Variants in WDR7 observed in about 807,000 individuals in gnomAD.
WDR7 encodes WD repeat domain 7, also known as WD repeat-containing protein 7.
Under a neutral mutation model 169.4 loss-of-function variants are expected in WDR7, and 46 were observed. That is an observed-to-expected ratio of 0.27 (90% confidence interval 0.21 to 0.35). The LOEUF is 0.35. Ranked by LOEUF, WDR7 falls within the 10% of genes least tolerant of loss-of-function variation. The pLI is 1.00. For missense variants in WDR7, 1,534 were observed against 1,859.3 expected (o/e 0.83, Z 3.22); for synonymous variants, 612 against 666.8 (o/e 0.92, Z 1.27).
rs564686124 is a variant in WDR7, at chr18:57,020,311, C to G, written c.4165-434C>G. Among the ~76,000 whole-genome samples, 35 of 152,176 alleles carry G rather than the reference C, an allele frequency of 2.3e-4. 1 individual carries two copies. Among genetic ancestry groups the G allele is most frequent in the Admixed American group, 2.3e-3 (35 of 15,276 alleles). On this transcript the variant is annotated intron_variant, in intron 26 of 27. Transcript: ENST00000254442. ...AAGGAGATGAAATTATAGTCTTTAA[C>G]TCCTTCCAGAACAGGGATTTTTATA... is the stretch of plus-strand genomic sequence containing the variant.
At chr18:56,848,487 AT>A (rs896901053) in intron 20 of WDR7, among the ~76,000 whole-genome samples, 1 of 152,114 alleles carries the variant, frequency 6.6e-6, no homozygotes, top group Non-Finnish European at 1.5e-5. Flanking sequence ...GCATGACTGT[AT>A]TTTGCAATGT....
At chr18:56,703,183 A>G (rs968944223) in intron 12 of WDR7, among the ~76,000 whole-genome samples, 14 of 152,226 alleles carry the variant, frequency 9.2e-5, no homozygotes, top group Admixed American at 3.3e-4. Flanking sequence ...TGACAGTATT[A>G]AAACCAGTAT....
At chr18:56,869,627 G>C (rs1046864545) in intron 20 of WDR7, among the ~76,000 whole-genome samples, 2 of 152,186 alleles carry the variant, frequency 1.3e-5, no homozygotes, top group African/African-American at 2.4e-5. Context: ...TGATAATAAT[G>C]TGAAAATTTG....
chr18:56,787,109 CT>C (rs1367734084), intron 19 of WDR7, among the ~76,000 whole-genome samples: 1 of 152,052 alleles, frequency 6.6e-6, no homozygotes, highest in Admixed American at 6.5e-5. Context: ...TGATATTCTA[CT>C]TGTAGCATTT....
chr18:56,917,182 G>T (rs2046640473), intron 21 of WDR7, among the ~76,000 whole-genome samples: 1 of 151,962 alleles, frequency 6.6e-6, no homozygotes, highest in Admixed American at 6.6e-5. Flanking sequence ...GGGCGACAGG[G>T]TGACATTCCG....
intron 19 of WDR7, among the ~76,000 whole-genome samples, chr18:56,799,629 A>G (rs977443451): frequency 3.9e-5 from 6 of 152,184 alleles, no homozygotes; most frequent in Non-Finnish European, 7.4e-5. Context: ...AGTATTTTAC[A>G]TATTATTAAT....
chr18:56,766,547 A>G (rs1418179585), intron 16 of WDR7, among the ~76,000 whole-genome samples: 5 of 152,000 alleles, frequency 3.3e-5, no homozygotes, highest in Admixed American at 3.3e-4. Flanking sequence ...AGTGCACTTT[A>G]AAAATTTATT....
At chr18:56,882,990 A>G (rs528934821) in intron 21 of WDR7, among the ~76,000 whole-genome samples, 1 of 152,266 alleles carries the variant, frequency 6.6e-6, no homozygotes, top group Admixed American at 6.5e-5. Context: ...TGGGAGGCCG[A>G]GGTGGGTGGA....
intron 19 of WDR7, among the ~76,000 whole-genome samples, chr18:56,788,101 T>A (rs2044429922): frequency 6.6e-6 from 1 of 152,212 alleles, no homozygotes; most frequent in Non-Finnish European, 1.5e-5. Context: ...AAGGGTTTTT[T>A]AATTACTAAA....
chr18:56,945,347 T>C (rs1278009695), intron 25 of WDR7, among the ~76,000 whole-genome samples: 1 of 152,174 alleles, frequency 6.6e-6, no homozygotes, highest in African/African-American at 2.4e-5. Flanking sequence ...CGTGTCCAAC[T>C]CTATAAAAAT....
intron 25 of WDR7, among the ~76,000 whole-genome samples, chr18:56,953,074 T>C (rs2145743309): frequency 6.6e-6 from 1 of 152,318 alleles, no homozygotes; most frequent in South Asian, 2.1e-4. Context: ...GTGAATGATA[T>C]GTAAATTTAT....
At chr18:56,888,347 T>TA (rs2046224398) in intron 21 of WDR7, among the ~76,000 whole-genome samples, 1 of 152,254 alleles carries the variant, frequency 6.6e-6, no homozygotes, top group Non-Finnish European at 1.5e-5. Flanking sequence ...AGGCTAGTGT[T>TA]ACGTTGTGCC....
intron 16 of WDR7, among the ~76,000 whole-genome samples, chr18:56,771,223 A>G (rs1599030975): frequency 1.3e-5 from 2 of 152,190 alleles, no homozygotes; most frequent in East Asian, 3.8e-4. Flanking sequence ...TTTTGTCATT[A>G]ATTTCCAAAT....
intron 16 of WDR7, among the ~76,000 whole-genome samples, chr18:56,762,998 T>G (rs2044002136): frequency 6.6e-6 from 1 of 152,002 alleles, no homozygotes; most frequent in African/African-American, 2.4e-5. Context: ...TCTGGCTCTG[T>G]CGCCCAGGCT....
At chr18:56,856,021 C>T (rs1279227382) in intron 20 of WDR7, among the ~76,000 whole-genome samples, 2 of 152,110 alleles carry the variant, frequency 1.3e-5, no homozygotes, top group African/African-American at 4.8e-5. Context: ...TCTGGTACCT[C>T]TGGGAAACAC....
chr18:56,662,642 C>T (rs527469003), intron 1 of WDR7, among the ~76,000 whole-genome samples: 10 of 152,098 alleles, frequency 6.6e-5, no homozygotes, highest in Admixed American at 1.3e-4. Context: ...TTGAGGCAAA[C>T]GTTAGATCCA....
At chr18:56,711,885 T>C (rs1316436335) in intron 12 of WDR7, among the ~76,000 whole-genome samples, 1 of 152,108 alleles carries the variant, frequency 6.6e-6, no homozygotes. Context: ...TTCTGGGAAG[T>C]ACAAGAGATA....
chr18:56,884,712 T>A (rs7237919), intron 21 of WDR7, among the ~76,000 whole-genome samples: 70 of 152,256 alleles, frequency 4.6e-4, no homozygotes, highest in African/African-American at 1.6e-3. Context: ...CTACCTGCCC[T>A]GATAGCAAAG....
chr18:56,837,781 C>T (rs2045418205), intron 20 of WDR7, among the ~76,000 whole-genome samples: 1 of 152,100 alleles, frequency 6.6e-6, no homozygotes, highest in Non-Finnish European at 1.5e-5. Context: ...CTGCCTCAGC[C>T]TCCCAAGTAG....
Sources: gnomAD v4.1 joint callset for allele counts (sites outside exome capture counted in the v4.1 genomes callset) on GRCh38, gnomAD v4.1.1 for gene constraint, MANE v1.5 for transcripts, NCBI Gene and HGNC (gene_info 2026-07-23, HGNC 2026-07-21) for gene names.